Variants in VSIG10L observed in about 807,000 individuals in gnomAD.
VSIG10L encodes V-set and immunoglobulin domain containing 10 like, also known as V-set and immunoglobulin domain-containing protein 10-like.
Under a neutral mutation model 67.3 loss-of-function variants are expected in VSIG10L, and 63 were observed. The ratio of observed to expected loss-of-function variants is 0.94; its 90% confidence interval spans 0.76 to 1.15. The LOEUF (loss-of-function observed/expected upper bound fraction) is 1.15, where lower values mean the gene tolerates loss of function less well. Ranked by LOEUF, VSIG10L falls within the 50% of genes most tolerant of loss-of-function variation. VSIG10L has a pLI of 0.00. For synonymous variants in VSIG10L, 499 were observed against 524.9 expected (o/e 0.95, Z 0.67); for missense variants, 1,050 against 1,177.5 (o/e 0.89, Z 1.58).
At position 51,332,738 on chromosome 19, in the gene VSIG10L, T is replaced by C; in HGVS notation, c.2575-98A>G. Reference sequence around the variant, plus strand: ...TTTTTCTAGCTCTTGCTTGAACTTTTTAGAGATTATCTGGGAACCCTCCAT... The same window carrying C: ...TTTTTCTAGCTCTTGCTTGAACTTTCTAGAGATTATCTGGGAACCCTCCAT... On this transcript the variant is annotated intron_variant, in intron 9 of 9. Coordinates refer to ENST00000335624, the MANE Select transcript of VSIG10L (RefSeq NM_001163922.3). 3 of 1,233,048 alleles carry C rather than the reference T, an allele frequency of 2.4e-6. No homozygotes were observed. The South Asian group carries it at 4.9e-5, about 20-fold the overall frequency. The allele number at this position is 1,233,048 out of a possible 1,614,324, so 76.4% of individuals were successfully genotyped here. A position where few individuals can be genotyped will look rare whatever the true frequency, so the allele number is the denominator to read the frequency against.
chr19:51,340,467 G>A lies in VSIG10L; in HGVS notation c.1155C>T (p.Gly385=), dbSNP rs1273657236. 1 of 1,506,846 alleles carries A rather than the reference G, an allele frequency of 6.6e-7. No homozygotes were observed. Among genetic ancestry groups the A allele is most frequent in the Admixed American group, 2.0e-5 (1 of 48,990 alleles). 93.3% of individuals were successfully genotyped at this position (1,506,846 alleles called of 1,614,324 possible). ...RYTCRVRSPF[G]HREAAADVSV... is the part of the protein sequence containing the mutation. ...TGACGTCGGCGGCAGCCTCCCTGTG[G>A]CCGAAGGGGCTGCGGACGCGGCAAG... The change falls in exon 3 of 10, where the codon GGC becomes GGT. Residue 385 remains glycine (G), a synonymous_variant. Coordinates refer to ENST00000335624, the MANE Select transcript of VSIG10L (RefSeq NM_001163922.3). The surrounding 1 kb of genome is among the most constrained non-coding windows in gnomAD (Gnocchi z 6.3).
rs1345135654 is a variant in VSIG10L at position 51,331,676 on chromosome 19, C to A, written c.*935G>T. 2 of 152,246 alleles carry A rather than the reference C, an allele frequency of 1.3e-5. No homozygotes were observed. Among genetic ancestry groups the A allele is most frequent in the Non-Finnish European group, 2.9e-5 (2 of 68,042 alleles). 9.4% of individuals were successfully genotyped at this position (152,246 alleles called of 1,614,324 possible). On this transcript the variant is annotated 3_prime_UTR_variant, in exon 10 of 10. Coordinates refer to ENST00000335624, the MANE Select transcript of VSIG10L (RefSeq NM_001163922.3). ...CAGCAGCAGCAAGCCCAACTCTTCA[C>A]TGGCACCAAAACATTTGATCAGTCA...
rs1200643909 is a variant in VSIG10L, at chr19:51,340,096, G to A, written c.1393C>T (p.His465Tyr). Residue 465 changes from histidine (H) to tyrosine (Y), a missense_variant, in exon 4 of 10, where the codon CAC (histidine) becomes TAC (tyrosine). By Grantham distance (83) the His-to-Tyr change is moderately conservative. Coordinates refer to ENST00000335624, the MANE Select transcript of VSIG10L (RefSeq NM_001163922.3). The surrounding 1 kb of genome is among the most constrained non-coding windows in gnomAD (Gnocchi z 6.3). The stretch of plus-strand genomic sequence containing the variant: ...GCCAGGCAGGCGTAGGTGCCTGCGT[G>A]GCCCGGTCCGACCGCGGGCAGCAGG... ...RLLLPAVGPG[H>Y]AGTYACLAAN... 9 of 1,344,290 alleles carry A rather than the reference G, an allele frequency of 6.7e-6. No homozygotes were observed. Among genetic ancestry groups the A allele is most frequent in the Non-Finnish European group, 8.6e-6 (9 of 1,051,334 alleles). 83.3% of individuals were successfully genotyped at this position (1,344,290 alleles called of 1,614,324 possible).
Position 51,337,968 on chromosome 19 carries a change from C to T in VSIG10L, c.1970G>A (p.Gly657Glu). The change falls in exon 6 of 10, where the codon GGG becomes GAG. Residue 657 changes from glycine to glutamate, a missense_variant. Physicochemically the swap from Gly to Glu is moderately conservative, Grantham distance 98. Around this residue, in one of 3 missense-constraint regions of VSIG10L, gnomAD observed 529 missense variants for 584.9 expected, o/e 0.90. Transcript: ENST00000335624. ...CTGGTCACCGCCAGCACCCAGCGCCCCACTGCACAGCACGGAGTAATTTCC... is the reference window on the plus strand; with the variant it reads ...CTGGTCACCGCCAGCACCCAGCGCCTCACTGCACAGCACGGAGTAATTTCC... ...DLGNYSVLCSGALGAGGDQIT... is the reference protein window; with the variant it reads ...DLGNYSVLCSEALGAGGDQIT... The T allele has an allele frequency of 6.4e-7, 1 of 1,551,472 alleles. No individual in the cohort carries two copies. Among genetic ancestry groups the T allele is most frequent in the South Asian group, 1.2e-5 (1 of 84,052 alleles).
Position 51,339,995 on chromosome 19 carries a change from C to T in VSIG10L, c.1474+20G>A, listed in dbSNP as rs952956077. 2 of 1,366,476 alleles carry T rather than the reference C, an allele frequency of 1.5e-6. No homozygotes were observed. The highest frequency in any genetic ancestry group is 1.9e-6 in the Non-Finnish European group (2 of 1,063,212). The allele number at this position is 1,366,476 out of a possible 1,614,324, so 84.6% of individuals were successfully genotyped here. A position where few individuals can be genotyped will look rare whatever the true frequency, so the allele number is the denominator to read the frequency against. On this transcript the variant is annotated intron_variant, in intron 4 of 9. Coordinates refer to ENST00000335624, the MANE Select transcript of VSIG10L (RefSeq NM_001163922.3). ...CGCCCCTCTCCCAGGCATTCCCCTACTCCCGCTCCAGCCTCTCACCCGCCA... is the reference window on the plus strand; with the variant it reads ...CGCCCCTCTCCCAGGCATTCCCCTATTCCCGCTCCAGCCTCTCACCCGCCA...
Position 51,342,070 on chromosome 19 carries a change from G to A in VSIG10L, c.40+15C>T. ...GAGGGAGACTGACAGGGAAGGGACT[G>A]AGCAGGGAACTTACCCAGGAGTAGG... On this transcript the variant is annotated intron_variant, in intron 1 of 9. Transcript: ENST00000335624. This position sits in a 1 kb window ranked among gnomAD's most constrained non-coding sequence, Gnocchi z 4.4. 1.9e-6 allele frequency: 3 copies of A among 1,551,744 alleles called. No individual in the cohort carries two copies. Among genetic ancestry groups the A allele is most frequent in the Non-Finnish European group, 2.6e-6 (3 of 1,147,002 alleles).
intron 9 of VSIG10L, 56 bp from the exon 10 acceptor site, chr19:51,332,696 T>A (rs117141091): frequency 6.0e-5 from 89 of 1,475,602 alleles, no homozygotes; most frequent in Middle Eastern, 5.2e-4. Context: ...GGATGTGACA[T>A]AACTCACCCG....
intron 9 of VSIG10L, 34 bp from the exon 10 acceptor site, chr19:51,332,674 A>C: frequency 6.5e-7 from 1 of 1,540,542 alleles, no homozygotes; most frequent in Non-Finnish European, 8.8e-7. Flanking sequence ...GGGAGAACTC[A>C]GTAGGTACTC....
In VSIG10L at chr19:51,341,373, G is replaced by C; in HGVS notation, c.675C>G (p.Val225=). 6.5e-7 allele frequency: 1 copy of C among 1,538,590 alleles called. No homozygotes were observed. The highest frequency in any genetic ancestry group is 8.7e-7 in the Non-Finnish European group (1 of 1,143,958). The change falls in exon 2 of 10, where the codon GTC becomes GTG. Residue 225 remains valine, a synonymous_variant. Transcript: ENST00000335624. ...PNPGPPTSLV[V]WRRGSKVLAA... is the part of the protein sequence containing the mutation. ...CCAGCACCTTTGAGCCCCGGCGCCA[G>C]ACCACCAGAGAGGTGGGGGGCCCAG...
rs11878671 is a variant in VSIG10L at position 51,335,674 on chromosome 19, C to T, written c.2306-1370G>A. ...CTGTAATCCCAGCACTTTGGGAGGC[C>T]GAGGCAGGCAGATCACTTGAGGTCA... On this transcript the variant is annotated intron_variant, in intron 7 of 9. Transcript: ENST00000335624. Among the ~76,000 whole-genome samples, 1,093 of 152,158 alleles carry T rather than the reference C, an allele frequency of 7.2e-3. 4 individuals carry two copies. The highest frequency in any genetic ancestry group is 0.025 in the African/African-American group (1,033 of 41,498).
In VSIG10L at chr19:51,336,667, C is replaced by T. The variant is rs139204023; in HGVS notation, c.2305+571G>A. 3.3e-3 allele frequency among the ~76,000 whole-genome samples: 494 copies of T among 151,938 alleles called. 3 individuals carry two copies. The highest frequency in any genetic ancestry group is 5.6e-3 in the Non-Finnish European group (378 of 67,988). On this transcript the variant is annotated intron_variant, in intron 7 of 9. Coordinates refer to ENST00000335624, the MANE Select transcript of VSIG10L (RefSeq NM_001163922.3). ...AGTGATGCAGCTGCAAGTCCAGGAA[C>T]GCCAAGGATGAAACAGCCGCCACCA...
In VSIG10L at chr19:51,337,540, G is replaced by A; in HGVS notation, c.2009-6C>T. On this transcript the variant is annotated splice_polypyrimidine_tract_variant and splice_region_variant and intron_variant, in intron 6 of 9. Coordinates refer to ENST00000335624, the MANE Select transcript of VSIG10L (RefSeq NM_001163922.3). ...CCACGAGGATATGGAGGGTCCTAGA[G>A]GGATGTGGGGGTGGCTGGATTCTTG... 1 of 1,513,142 alleles carries A rather than the reference G, an allele frequency of 6.6e-7. No individual in the cohort carries two copies. The highest frequency in any genetic ancestry group is 8.9e-7 in the Non-Finnish European group (1 of 1,121,276). The allele number at this position is 1,513,142 out of a possible 1,614,324, so 93.7% of individuals were successfully genotyped here. A position where few individuals can be genotyped will look rare whatever the true frequency, so the allele number is the denominator to read the frequency against.
chr19:51,337,054 C>T (rs1011397003), intron 7 of VSIG10L, among the ~76,000 whole-genome samples, 184 bp downstream of exon 7: 10 of 152,168 alleles, frequency 6.6e-5, no homozygotes, highest in African/African-American at 2.2e-4. Flanking sequence ...GCGTGAGCCA[C>T]CGCGCCCAGC....
chr19:51,341,637 A>G lies in VSIG10L; in HGVS notation c.411T>C (p.Thr137=). 6.4e-7 allele frequency: 1 copy of G among 1,551,750 alleles called. No individual in the cohort carries two copies. Among genetic ancestry groups the G allele is most frequent in the Non-Finnish European group, 8.7e-7 (1 of 1,146,996 alleles). ...AAATGTTTGAAGCTGGGGTCTTAAC[A>G]GTGAAGGAAGGCTTGGGGTCTTTGG... ...VPAKDPKPSF[T]VKTPASNIST... is the part of the protein sequence containing the mutation. Residue 137 remains threonine, a synonymous_variant, in exon 2 of 10, where the codon ACT becomes ACC. Transcript: ENST00000335624.
rs1404589322 is a variant in VSIG10L at position 51,341,949 on chromosome 19, G to A, written c.99C>T (p.Phe33=). The change falls in exon 2 of 10, where the codon TTC becomes TTT. Residue 33 remains phenylalanine, a synonymous_variant. Transcript: ENST00000335624. ...TTGAGTCTGAAGAGAAGGCAGAGGA[G>A]AAGTTGGTTTGCTGAAGTCCAGAAG... ...RASSGLQQTN[F]SSAFSSDSKS... 1 of 1,551,732 alleles carries A rather than the reference G, an allele frequency of 6.4e-7. No individual in the cohort carries two copies. The highest frequency in any genetic ancestry group is 1.2e-5 in the South Asian group (1 of 84,058).
At chr19:51,333,711 T>G in intron 9 of VSIG10L, 80 bp downstream of exon 9, 25 of 1,421,008 alleles carry the variant, frequency 1.8e-5, no homozygotes, top group East Asian at 2.5e-5. Flanking sequence ...GTTAGATAAT[T>G]GAGACCCTCT....
At position 51,338,374 on chromosome 19, in the gene VSIG10L, CATTT is replaced by C. The variant is rs542795609; in HGVS notation, c.1730-170_1730-167del. ...TCATTAGCTCATTCATTCATTCATTCATTTATTATCTGATTTCCTCATCAAACAC... is the reference window on the plus strand; with the variant it reads ...TCATTAGCTCATTCATTCATTCATTCATTATCTGATTTCCTCATCAAACAC... On this transcript the variant is annotated intron_variant, in intron 5 of 9. Transcript: ENST00000335624. Among the ~76,000 whole-genome samples, 29 of 152,344 alleles carry C rather than the reference CATTT, an allele frequency of 1.9e-4. No homozygotes were observed. The East Asian group carries it at 4.8e-3, about 25-fold the overall frequency.
At chr19:51,332,904 C>T (rs969334786) in intron 9 of VSIG10L, among the ~76,000 whole-genome samples, 2 of 152,000 alleles carry the variant, frequency 1.3e-5, no homozygotes, top group Non-Finnish European at 2.9e-5. Context: ...GGCTAGAGTA[C>T]AGTGGCACCG....
In VSIG10L at chr19:51,340,869, G is replaced by A. The variant is rs1049472506; in HGVS notation, c.896-143C>T. 8.6e-7 allele frequency: 1 copy of A among 1,162,864 alleles called. No homozygotes were observed. The highest frequency in any genetic ancestry group is 1.1e-6 in the Non-Finnish European group (1 of 872,250). 72.0% of individuals were successfully genotyped at this position (1,162,864 alleles called of 1,614,324 possible). A position where few individuals can be genotyped will look rare whatever the true frequency, so the allele number is the denominator to read the frequency against. On this transcript the variant is annotated intron_variant, in intron 2 of 9. Transcript: ENST00000335624. The surrounding 1 kb of genome is among the most constrained non-coding windows in gnomAD (Gnocchi z 6.3). ...TCTCCTCTCATAAACCTATGAGTTTGAGCCCCCAGACACCTCCTCTCCGGG... is the reference window on the plus strand; with the variant it reads ...TCTCCTCTCATAAACCTATGAGTTTAAGCCCCCAGACACCTCCTCTCCGGG...
Sources: gnomAD v4.1 joint callset for allele counts (sites outside exome capture counted in the v4.1 genomes callset) on GRCh38, gnomAD v4.1.1 for gene constraint, gnomAD v4.1.1 regional missense constraint, Gnocchi (gnomAD v3.1) non-coding constraint, MANE v1.5 for transcripts, NCBI Gene and HGNC (gene_info 2026-07-23, HGNC 2026-07-21) for gene names.